The following SYNGR1 variants were observed in gnomAD, a reference collection of about 807,000 sequenced individuals.
SYNGR1 encodes the protein synaptogyrin 1.
Under a neutral mutation model 26.1 loss-of-function variants are expected in SYNGR1, and 14 were observed. The ratio of observed to expected loss-of-function variants is 0.54; its 90% CI spans 0.35 to 0.84. The LOEUF is 0.84. Among genes scored for constraint, SYNGR1 ranks in the 40% least tolerant of loss-of-function variants. The pLI is 0.01. For synonymous variants in SYNGR1, 141 were observed against 150.1 expected (o/e 0.94, Z 0.44); for missense variants, 319 against 332.9 (o/e 0.96, Z 0.33).
At chr22:39,352,115 G>C (rs1423632916) in intron 1 of SYNGR1, among the ~76,000 whole-genome samples, 2 of 152,174 alleles carry the variant, frequency 1.3e-5, no homozygotes, top group Admixed American at 6.5e-5. Context: ...TTTGAGCCTA[G>C]GTCTTCCTGT....
chr22:39,366,501 C>T (rs115387736), intron 1 of SYNGR1, among the ~76,000 whole-genome samples: 7,937 of 152,096 alleles, frequency 0.052, 691 homozygotes, highest in African/African-American at 0.18. Flanking sequence ...TAAAACTTAG[C>T]CAGGTGCAGG....
intron 1 of SYNGR1, among the ~76,000 whole-genome samples, chr22:39,371,165 C>T (rs1601661471): frequency 6.6e-6 from 1 of 152,152 alleles, no homozygotes; most frequent in Admixed American, 6.6e-5. Flanking sequence ...AGAAAATATG[C>T]TCAACTCACA....
intron 1 of SYNGR1, among the ~76,000 whole-genome samples, chr22:39,360,249 C>T (rs1924407090): frequency 6.6e-6 from 1 of 152,214 alleles, no homozygotes; most frequent in East Asian, 1.9e-4. Flanking sequence ...CCTCCACCCT[C>T]AGTTTCGCCC....
Position 39,383,210 on chromosome 22 carries a change from G to C in SYNGR1, c.*1296G>C, listed in dbSNP as rs1315456509. 6.6e-6 allele frequency: 1 copy of C among 152,336 alleles called. No homozygotes were observed. 9.4% of individuals were successfully genotyped at this position (152,336 alleles called of 1,614,324 possible). On this transcript the variant is annotated 3_prime_UTR_variant, in exon 4 of 4. Transcript: ENST00000328933. The stretch of plus-strand genomic sequence containing the variant: ...TTGGCCTTCCAGAAGGCCCACTGTG[G>C]AGCCAGCCTCCCTATGGGAGGCAGA...
chr22:39,362,078 G>T (rs1924503154), intron 1 of SYNGR1, among the ~76,000 whole-genome samples: 1 of 150,282 alleles, frequency 6.7e-6, no homozygotes, highest in Non-Finnish European at 1.5e-5. Flanking sequence ...AAACTCCTGG[G>T]TTCAAGTGAT....
intron 2 of SYNGR1, 58 bp from the exon 3 acceptor site, chr22:39,375,994 C>T: frequency 6.2e-7 from 1 of 1,611,306 alleles, no homozygotes; most frequent in Non-Finnish European, 8.5e-7. Flanking sequence ...TTTCTCCCCA[C>T]TCACCCTCTC....
chr22:39,352,965 A>G (rs536173659), intron 1 of SYNGR1, among the ~76,000 whole-genome samples: 4 of 152,098 alleles, frequency 2.6e-5, no homozygotes, highest in Admixed American at 2.6e-4. Flanking sequence ...AGGTTCAAGC[A>G]ACTCTACTGC....
rs745736657 is a variant in SYNGR1, at chr22:39,381,925, C to A, written c.*11C>A. The stretch of plus-strand genomic sequence containing the variant: ...TCGCAGGGCTACTGAGCCACAGTGA[C>A]CGCCTGCCCCCGCCCCTCCCCATCT... On this transcript the variant is annotated 3_prime_UTR_variant, in exon 4 of 4. Coordinates refer to ENST00000328933, the MANE Select transcript of SYNGR1 (RefSeq NM_004711.5). 1.3e-6 allele frequency: 2 copies of A among 1,583,844 alleles called. No homozygotes were observed. Among genetic ancestry groups the A allele is most frequent in the Non-Finnish European group, 1.7e-6 (2 of 1,165,668 alleles).
rs771345585 is a variant in SYNGR1, at chr22:39,374,462, C to G, written c.246C>G (p.Cys82Trp). 1 of 1,614,016 alleles carries G rather than the reference C, an allele frequency of 6.2e-7. No homozygotes were observed. Residue 82 changes from cysteine to tryptophan, a missense_variant, in exon 2 of 4, where the codon TGC becomes TGG. Cys to Trp is a radical substitution (Grantham distance 215). Coordinates refer to ENST00000328933, the MANE Select transcript of SYNGR1 (RefSeq NM_004711.5). ...TGGGCGTGCTCGCCTTCCTCACCTG[C>G]CTGCTGTACCTGGCCCTGGACGTGT... ...VAVGVLAFLT[C>W]LLYLALDVYF...
intron 1 of SYNGR1, among the ~76,000 whole-genome samples, chr22:39,370,843 A>G (rs981746875): frequency 1.3e-5 from 2 of 151,234 alleles, no homozygotes; most frequent in Non-Finnish European, 2.9e-5. Flanking sequence ...CTAGTCTCGA[A>G]CTCCTGACCT....
chr22:39,356,468 C>G (rs1028365384), intron 1 of SYNGR1, among the ~76,000 whole-genome samples: 4 of 152,210 alleles, frequency 2.6e-5, no homozygotes, highest in African/African-American at 9.6e-5. Context: ...GGGATCGGAA[C>G]CCATGGCCCC....
At position 39,374,375 on chromosome 22, in the gene SYNGR1, C is replaced by G. The variant is rs115437880; in HGVS notation, c.159C>G (p.Ser53=). 4.7e-5 allele frequency: 76 copies of G among 1,613,970 alleles called. No homozygotes were observed. The highest frequency in any genetic ancestry group is 6.3e-5 in the Non-Finnish European group (74 of 1,180,030). The change falls in exon 2 of 4, where the codon TCC becomes TCG. Residue 53 remains serine (S), a synonymous_variant. Coordinates refer to ENST00000328933, the MANE Select transcript of SYNGR1 (RefSeq NM_004711.5). ...IVNEGYLNSA[S]EGEEFCIYNR... is the part of the protein sequence containing the mutation. ...ACGAGGGCTACCTCAACAGCGCCTC[C>G]GAGGGGGAGGAGTTCTGCATCTACA...
Position 39,374,442 on chromosome 22 carries a change from G to C in SYNGR1, c.226G>C (p.Val76Leu). The change falls in exon 2 of 4, where the codon GTG becomes CTG. Residue 76 changes from valine (V) to leucine (L), a missense_variant. Physicochemically the swap from Val to Leu is conservative, Grantham distance 32. Transcript: ENST00000328933. ...NACSYGVAVG[V>L]LAFLTCLLYL... ...CTGCAGCTATGGCGTGGCCGTGGGC[G>C]TGCTCGCCTTCCTCACCTGCCTGCT... 1 of 1,614,010 alleles carries C rather than the reference G, an allele frequency of 6.2e-7. No homozygotes were observed. The highest frequency in any genetic ancestry group is 8.5e-7 in the Non-Finnish European group (1 of 1,180,038).
Position 39,382,070 on chromosome 22 carries a change from A to G in SYNGR1, c.*156A>G. The G allele has an allele frequency of 1.3e-6, 1 of 771,994 alleles. No homozygotes were observed. Among genetic ancestry groups the G allele is most frequent in the Non-Finnish European group, 2.2e-6 (1 of 464,666 alleles). The allele number at this position is 771,994 out of a possible 1,614,324, so 47.8% of individuals were successfully genotyped here. A position where few individuals can be genotyped will look rare whatever the true frequency, so the allele number is the denominator to read the frequency against. Reference sequence around the variant, plus strand: ...GCTCGGGGCAGGGGTGGGGCAGTCCAGTGTTGGGGACTGTCTACGTATGTG... The same window carrying G: ...GCTCGGGGCAGGGGTGGGGCAGTCCGGTGTTGGGGACTGTCTACGTATGTG... On this transcript the variant is annotated 3_prime_UTR_variant, in exon 4 of 4. Coordinates refer to ENST00000328933, the MANE Select transcript of SYNGR1 (RefSeq NM_004711.5).
intron 1 of SYNGR1, among the ~76,000 whole-genome samples, chr22:39,357,909 G>C (rs1202483586): frequency 2.0e-5 from 3 of 152,244 alleles, no homozygotes; most frequent in East Asian, 3.9e-4. Flanking sequence ...TGTGCGGCCC[G>C]AGCCTCCCCG....
intron 2 of SYNGR1, chr22:39,375,695 C>A: frequency 1.7e-6 from 1 of 586,338 alleles, no homozygotes; most frequent in Non-Finnish European, 3.0e-6. Context: ...TGTGGCTGGA[C>A]ATGGGGGTTT....
rs554585222 is a variant in SYNGR1, at chr22:39,367,834, A to C, written c.100-6482A>C. ...CGAGACCCTGTCTCAAAAAAAAAAAAAAAAAAAACAAAGTCCCCACCACAG... is the reference window on the plus strand; with the variant it reads ...CGAGACCCTGTCTCAAAAAAAAAAACAAAAAAAACAAAGTCCCCACCACAG... On this transcript the variant is annotated intron_variant, in intron 1 of 3. Coordinates refer to ENST00000328933, the MANE Select transcript of SYNGR1 (RefSeq NM_004711.5). Among the ~76,000 whole-genome samples the C allele has an allele frequency of 3.3e-5, 5 of 151,838 alleles. No individual in the cohort carries two copies. The South Asian group carries it at 8.3e-4, about 25-fold the overall frequency.
In SYNGR1 at chr22:39,384,707, G is replaced by A. The variant is rs1456718964; in HGVS notation, c.*2793G>A. 2.5e-6 allele frequency: 1 copy of A among 399,194 alleles called. No homozygotes were observed. Among genetic ancestry groups the A allele is most frequent in the Non-Finnish European group, 4.4e-6 (1 of 226,110 alleles). 24.7% of individuals were successfully genotyped at this position (399,194 alleles called of 1,614,324 possible). A position where few individuals can be genotyped will look rare whatever the true frequency, so the allele number is the denominator to read the frequency against. On this transcript the variant is annotated 3_prime_UTR_variant, in exon 4 of 4. Transcript: ENST00000328933. ...CCTTGCTCCCAAAGCTTTCCTTGGA[G>A]AAGGGCCCTCCTGCAGCTGGACCCT...
At chr22:39,364,896 T>C (rs957374730) in intron 1 of SYNGR1, among the ~76,000 whole-genome samples, 1 of 152,160 alleles carries the variant, frequency 6.6e-6, no homozygotes, top group Admixed American at 6.5e-5. Context: ...GACATAGATC[T>C]CCACCAAGCG....
Sources: allele counts gnomAD v4.1 joint callset (sites outside exome capture counted in the v4.1 genomes callset), GRCh38; gene constraint gnomAD v4.1.1; transcripts MANE v1.5; gene names NCBI Gene and HGNC (gene_info 2026-07-23, HGNC 2026-07-21).